The following FMN2 variants were observed in gnomAD, a reference collection of about 807,000 sequenced individuals.
FMN2 encodes formin 2, also known as formin-2.
A neutral mutation model predicts 142.3 loss-of-function variants in FMN2; 51 were observed. That is an observed-to-expected ratio of 0.36 (90% CI 0.29 to 0.45). FMN2 has a LOEUF of 0.45. FMN2 is among the 20% of genes least tolerant of loss of function. The pLI, the probability that FMN2 is intolerant of heterozygous loss-of-function variation, is 1.00. For synonymous variants in FMN2, 882 were observed against 869.8 expected (o/e 1.01, Z -0.25); for missense variants, 1,936 against 2,122.8 (o/e 0.91, Z 1.73).
rs1051405238 is a variant in FMN2, at chr1:240,192,297, A to G, written c.1986+4035A>G. 3.3e-5 allele frequency among the ~76,000 whole-genome samples: 5 copies of G among 152,308 alleles called. No homozygotes were observed. In the South Asian group the frequency reaches 1.0e-3, roughly 32 times the overall value. On this transcript the variant is annotated intron_variant, in intron 4 of 17. Transcript: ENST00000319653. The stretch of plus-strand genomic sequence containing the variant: ...GATGGTCTTGGTTACTCAGAAACAA[A>G]GTTTGAAGAGCAAAAGAAGCATTGG...
chr1:240,241,825 C>CTTCTTTTTTTTTTTTTTTT (rs1667908718), intron 6 of FMN2, among the ~76,000 whole-genome samples: 2 of 96,202 alleles, frequency 2.1e-5, no homozygotes, highest in Non-Finnish European at 4.3e-5. Context: ...GTGTGCCTTG[C>CTTCTTTTTTTTTTTTTTTT]TTTTTTTTTT....
intron 2 of FMN2, 76 bp from the exon 3 acceptor site, chr1:240,177,845 T>C (rs1399758370): frequency 7.9e-7 from 1 of 1,258,818 alleles, no homozygotes; most frequent in Non-Finnish European, 1.1e-6. Flanking sequence ...GAAATGATTT[T>C]GCAATGTATT....
At chr1:240,353,686 AT>A (rs1437772393) in intron 13 of FMN2, among the ~76,000 whole-genome samples, 1 of 152,122 alleles carries the variant, frequency 6.6e-6, no homozygotes, top group East Asian at 1.9e-4. Flanking sequence ...TTTTTCGCTG[AT>A]GTAAAGTAAG....
chr1:240,460,271 G>A (rs1676403750), intron 16 of FMN2, among the ~76,000 whole-genome samples: 1 of 152,188 alleles, frequency 6.6e-6, no homozygotes, highest in South Asian at 2.1e-4. Flanking sequence ...TATCTTCAGT[G>A]TTGTAAAAGA....
intron 7 of FMN2, among the ~76,000 whole-genome samples, chr1:240,260,853 C>T (rs1558398973): frequency 6.6e-6 from 1 of 152,178 alleles, no homozygotes; most frequent in African/African-American, 2.4e-5. Context: ...AGGGTTTTCC[C>T]AAAGTTATCT....
intron 14 of FMN2, among the ~76,000 whole-genome samples, chr1:240,377,774 T>G (rs1192264506): frequency 6.6e-6 from 1 of 152,156 alleles, no homozygotes; most frequent in African/African-American, 2.4e-5. Context: ...TTAGCAACCT[T>G]AATTCCATAT....
chr1:240,351,646 A>G (rs1020646542), intron 13 of FMN2, among the ~76,000 whole-genome samples: 5 of 152,232 alleles, frequency 3.3e-5, no homozygotes, highest in Non-Finnish European at 7.3e-5. Flanking sequence ...GCATTTTCTT[A>G]TCTGTTGAAT....
intron 2 of FMN2, among the ~76,000 whole-genome samples, chr1:240,146,835 T>C (rs1031709386): frequency 1.3e-5 from 2 of 152,204 alleles, no homozygotes; most frequent in East Asian, 3.9e-4. Flanking sequence ...AGTATCATTA[T>C]TGTACCATTT....
chr1:240,301,859 G>A (rs1478295200), intron 8 of FMN2, among the ~76,000 whole-genome samples: 1 of 151,764 alleles, frequency 6.6e-6, no homozygotes, highest in African/African-American at 2.4e-5. Context: ...CTTGTATTCT[G>A]ATTGAGTTTG....
chr1:240,316,949 C>A (rs551044402), intron 8 of FMN2, among the ~76,000 whole-genome samples: 25 of 152,238 alleles, frequency 1.6e-4, no homozygotes, highest in Admixed American at 1.2e-3. Flanking sequence ...CATGTACACA[C>A]ATATGCATGT....
intron 13 of FMN2, among the ~76,000 whole-genome samples, chr1:240,335,181 G>A (rs756095444): frequency 6.6e-5 from 10 of 152,014 alleles, no homozygotes; most frequent in Admixed American, 5.2e-4. Context: ...CATTTATTAC[G>A]GACCTGGTTC....
At chr1:240,267,600 A>T (rs1233923130) in intron 7 of FMN2, among the ~76,000 whole-genome samples, 1 of 150,670 alleles carries the variant, frequency 6.6e-6, no homozygotes, top group African/African-American at 2.4e-5. Context: ...AAGTTTACCT[A>T]TGTAGCAAAC....
intron 14 of FMN2, among the ~76,000 whole-genome samples, chr1:240,386,463 A>G (rs961346654): frequency 5.3e-5 from 8 of 152,186 alleles, no homozygotes; most frequent in South Asian, 2.1e-4. Flanking sequence ...TCTGTCTCCA[A>G]TTACCTGGGA....
chr1:240,342,042 A>G (rs995960464), intron 13 of FMN2, among the ~76,000 whole-genome samples: 5 of 152,184 alleles, frequency 3.3e-5, no homozygotes, highest in Non-Finnish European at 4.4e-5. Flanking sequence ...TCCCATCCCC[A>G]GTCCTCACAT....
chr1:240,299,970 G>C (rs1670141208), intron 8 of FMN2, among the ~76,000 whole-genome samples: 1 of 152,150 alleles, frequency 6.6e-6, no homozygotes, highest in Admixed American at 6.5e-5. Context: ...GTGTACCTTG[G>C]CTGGAGGCCT....
At chr1:240,458,311 C>T (rs1676321269) in intron 16 of FMN2, 1 of 152,136 alleles carries the variant, frequency 6.6e-6, no homozygotes, top group Admixed American at 6.5e-5. Flanking sequence ...TTAATTAAGC[C>T]ATTCTTCCTC....
At chr1:240,168,276 T>C (rs1664560840) in intron 2 of FMN2, among the ~76,000 whole-genome samples, 1 of 151,952 alleles carries the variant, frequency 6.6e-6, no homozygotes, top group South Asian at 2.1e-4. Flanking sequence ...TTATAAATGG[T>C]TCAAATGAGT....
chr1:240,144,374 C>T (rs573022782), intron 2 of FMN2: 107 of 1,607,094 alleles, frequency 6.7e-5, no homozygotes, highest in South Asian at 4.3e-4. Flanking sequence ...GTCCAGCTCC[C>T]GAGCTAAGGC....
chr1:240,469,112 CGTT>C (rs538983336), intron 16 of FMN2, among the ~76,000 whole-genome samples: 28 of 151,984 alleles, frequency 1.8e-4, no homozygotes, highest in Admixed American at 7.9e-4. Flanking sequence ...GAGGAAGTGT[CGTT>C]GTTTTGGGGG....
Sources: allele counts gnomAD v4.1 joint callset (sites outside exome capture counted in the v4.1 genomes callset), GRCh38; gene constraint gnomAD v4.1.1; transcripts MANE v1.5; gene names NCBI Gene and HGNC (gene_info 2026-07-23, HGNC 2026-07-21).